MBOAT1: variants seen among roughly 807,000 people sequenced by gnomAD.
The protein encoded by MBOAT1 is membrane-bound glycerophospholipid O-acyltransferase 1.
Under a neutral mutation model 64.4 loss-of-function variants are expected in MBOAT1, and 67 were observed. That is an observed-to-expected ratio of 1.04 (90% CI 0.85 to 1.27). The LOEUF (loss-of-function observed/expected upper bound fraction) is 1.27. Among genes scored for constraint, MBOAT1 ranks in the 50% most tolerant of loss-of-function variants. MBOAT1 has a pLI of 0.00. For missense variants in MBOAT1, 563 were observed against 604.6 expected, an observed-to-expected ratio of 0.93 and a Z score of 0.72; for synonymous variants, 229 against 218.9, an observed-to-expected ratio of 1.05 and a Z score of -0.41.
intron 1 of MBOAT1, among the ~76,000 whole-genome samples, chr6:20,200,065 C>T (rs774714385): frequency 1.3e-5 from 2 of 152,168 alleles, no homozygotes; most frequent in East Asian, 1.9e-4. Context: ...AGAAAGGAGG[C>T]TATAAACACC....
At chr6:20,174,194 T>G (rs1762277719) in intron 1 of MBOAT1, among the ~76,000 whole-genome samples, 1 of 152,218 alleles carries the variant, frequency 6.6e-6, no homozygotes, top group Non-Finnish European at 1.5e-5. Context: ...TTTGGATTCT[T>G]GGCACCTAGC....
chr6:20,137,673 C>T (rs1761037230), intron 4 of MBOAT1, among the ~76,000 whole-genome samples: 1 of 151,912 alleles, frequency 6.6e-6, no homozygotes, highest in African/African-American at 2.4e-5. Context: ...AATTTCAAGT[C>T]CCAGAATAAT....
chr6:20,168,895 T>G (rs933763967), intron 1 of MBOAT1, among the ~76,000 whole-genome samples: 5 of 150,808 alleles, frequency 3.3e-5, no homozygotes, highest in Non-Finnish European at 7.4e-5. Context: ...TAAGTACAAA[T>G]ATCATCGGGG....
chr6:20,200,276 A>G (rs1439236151), intron 1 of MBOAT1, among the ~76,000 whole-genome samples: 2 of 152,208 alleles, frequency 1.3e-5, no homozygotes, highest in Non-Finnish European at 2.9e-5. Flanking sequence ...TAAGAAAGCA[A>G]ATTATACAGG....
At chr6:20,111,835 C>CGTATATATACGTATATATAT (rs1554115561) in intron 11 of MBOAT1, among the ~76,000 whole-genome samples, 7 of 86,792 alleles carry the variant, frequency 8.1e-5, no homozygotes, top group African/African-American at 2.9e-4. Context: ...CATATATATA[C>CGTATATATACGTATATATAT]ACATATATAT....
Position 20,212,152 on chromosome 6 carries a change from C to T in MBOAT1, c.83G>A (p.Gly28Asp). The T allele has an allele frequency of 1.2e-6, 2 of 1,613,544 alleles. No homozygotes were observed. The highest frequency in any genetic ancestry group is 1.7e-6 in the Non-Finnish European group (2 of 1,179,840). ...TGCAGTTACCTGGTCCAGCGGGATG[C>T]CCAGGAGCTCGCTGAGCGGGTGCAG... Reference protein sequence around the residue: ...TYLHPLSELLGIPLDQVNFVV... With the variant: ...TYLHPLSELLDIPLDQVNFVV... The change falls in exon 1 of 13, where the codon GGC becomes GAC. Residue 28 changes from glycine (G) to aspartate (D), a missense_variant. Physicochemically the swap from Gly to Asp is moderately conservative, Grantham distance 94. Transcript: ENST00000324607.
At chr6:20,131,620 T>C (rs187839064) in intron 4 of MBOAT1, among the ~76,000 whole-genome samples, 42 of 152,372 alleles carry the variant, frequency 2.8e-4, no homozygotes, top group African/African-American at 1.0e-3. Context: ...AACGGACTAA[T>C]ACAGCCGTTG....
intron 1 of MBOAT1, among the ~76,000 whole-genome samples, chr6:20,170,892 C>CTGAA (rs36129397): frequency 0.036 from 5,444 of 150,564 alleles, 106 homozygotes; most frequent in Middle Eastern, 0.079. Context: ...TCTCAATATT[C>CTGAA]TGAATGAATG....
intron 9 of MBOAT1, among the ~76,000 whole-genome samples, chr6:20,116,910 C>T (rs969448051): frequency 5.9e-5 from 9 of 152,158 alleles, no homozygotes; most frequent in African/African-American, 2.2e-4. Flanking sequence ...AACTCCAAGG[C>T]AGCCAGTCCA....
chr6:20,174,256 T>A (rs1381056520), intron 1 of MBOAT1, among the ~76,000 whole-genome samples: 1 of 152,158 alleles, frequency 6.6e-6, no homozygotes, highest in Non-Finnish European at 1.5e-5. Context: ...ACAATGGGAA[T>A]ACGTTCTGAG....
intron 1 of MBOAT1, among the ~76,000 whole-genome samples, chr6:20,200,909 C>T (rs1379419364): frequency 6.6e-6 from 1 of 152,202 alleles, no homozygotes; most frequent in African/African-American, 2.4e-5. Context: ...AGCCAAGGAG[C>T]AGGTGTTCCT....
chr6:20,188,057 C>T (rs1237048747), intron 1 of MBOAT1, among the ~76,000 whole-genome samples: 1 of 152,118 alleles, frequency 6.6e-6, no homozygotes, highest in East Asian at 1.9e-4. Context: ...AGTTACAGCA[C>T]TATATGGATC....
At chr6:20,151,357 C>A in intron 2 of MBOAT1, 95 bp from the exon 3 acceptor site, 2 of 773,938 alleles carry the variant, frequency 2.6e-6, no homozygotes, top group African/African-American at 1.7e-5. Flanking sequence ...ACTACCCCTG[C>A]CAAAAACACA....
chr6:20,162,977 A>C (rs6907162), intron 1 of MBOAT1, among the ~76,000 whole-genome samples: 3,132 of 152,278 alleles, frequency 0.021, 113 homozygotes, highest in African/African-American at 0.071. Flanking sequence ...ACACTTAGAG[A>C]TTAAATTGTA....
intron 1 of MBOAT1, among the ~76,000 whole-genome samples, chr6:20,182,232 A>G (rs1762530186): frequency 6.6e-6 from 1 of 152,208 alleles, no homozygotes; most frequent in Admixed American, 6.5e-5. Context: ...GAAGTCCAAG[A>G]GCAAGCAGAT....
intron 1 of MBOAT1, among the ~76,000 whole-genome samples, chr6:20,181,701 C>T (rs1382068527): frequency 6.6e-6 from 1 of 152,212 alleles, no homozygotes; most frequent in Admixed American, 6.5e-5. Flanking sequence ...GAAACACACA[C>T]CCTGTGGGTG....
rs1762001748 is a variant in MBOAT1 at position 20,165,808 on chromosome 6, T to C, written c.100-13039A>G. On this transcript the variant is annotated intron_variant, in intron 1 of 12. Transcript: ENST00000324607. ...ATAGGTAAAAGTCATCTGAGCTAAT[T>C]AACCCAACATCCTATGTTCCAAAGA... Among the ~76,000 whole-genome samples, 3 of 151,342 alleles carry C rather than the reference T, an allele frequency of 2.0e-5. No individual in the cohort carries two copies. The South Asian group carries it at 6.2e-4, about 31-fold the overall frequency.
chr6:20,103,416 G>A (rs1412250556), intron 12 of MBOAT1, among the ~76,000 whole-genome samples: 1 of 149,314 alleles, frequency 6.7e-6, no homozygotes, highest in South Asian at 2.1e-4. Context: ...TGTTGTTTTG[G>A]TTTTTTGTTT....
chr6:20,170,588 C>G (rs1232304762), intron 1 of MBOAT1, among the ~76,000 whole-genome samples: 5 of 152,122 alleles, frequency 3.3e-5, no homozygotes. Flanking sequence ...TTCAGGGCAC[C>G]ATTCATTTCA....
Sources: gnomAD v4.1 joint callset for allele counts (sites outside exome capture counted in the v4.1 genomes callset) on GRCh38, gnomAD v4.1.1 for gene constraint, MANE v1.5 for transcripts, NCBI Gene and HGNC (gene_info 2026-07-23, HGNC 2026-07-21) for gene names.